The following LRRC69 variants were observed in gnomAD, a reference collection of about 807,000 sequenced individuals.
LRRC69 encodes the protein leucine-rich repeat-containing protein 69.
LRRC69 carries 42 observed loss-of-function variants against 37.8 expected under a neutral mutation model. The observed-to-expected ratio is 1.11, with a 90% CI of 0.87 to 1.44. The LOEUF (loss-of-function observed/expected upper bound fraction) is 1.44. Ranked by LOEUF, LRRC69 falls within the 40% of genes most tolerant of loss-of-function variation. The probability of loss-of-function intolerance (pLI) is 0.00; values close to 1 mark genes in which losing one functional copy is unlikely to be tolerated. For missense variants in LRRC69, 357 were observed against 401.9 expected (o/e 0.89, Z 0.96); for synonymous variants, 141 against 143.1 (o/e 0.99, Z 0.11).
chr8:91,172,761 C>A (rs1809155654), intron 5 of LRRC69, among the ~76,000 whole-genome samples: 1 of 152,020 alleles, frequency 6.6e-6, no homozygotes, highest in South Asian at 2.1e-4. Flanking sequence ...GATCAGCCCG[C>A]CTCAGCCTCC....
At position 91,189,624 on chromosome 8, in the gene LRRC69, G is replaced by A. The variant is rs1252728799; in HGVS notation, c.753+1G>A. Reference sequence around the variant, plus strand: ...GCAGGAGAACGTCTGGAGTCTACAGGTGAAGACTTACCTCATTAACTTAAG... The same window carrying A: ...GCAGGAGAACGTCTGGAGTCTACAGATGAAGACTTACCTCATTAACTTAAG... On this transcript the variant is annotated splice_donor_variant, in intron 6 of 7. Transcript: ENST00000448384. LOFTEE classifies it high-confidence loss of function. 2 of 1,530,682 alleles carry A rather than the reference G, an allele frequency of 1.3e-6. No homozygotes were observed. Among genetic ancestry groups the A allele is most frequent in the Admixed American group, 2.0e-5 (1 of 49,192 alleles). The allele number at this position is 1,530,682 out of a possible 1,614,324, so 94.8% of individuals were successfully genotyped here.
chr8:91,178,201 C>T (rs1809268172), intron 5 of LRRC69, among the ~76,000 whole-genome samples: 3 of 152,066 alleles, frequency 2.0e-5, no homozygotes, highest in Admixed American at 6.6e-5. Flanking sequence ...CGGATTTCTG[C>T]GATGGATAAA....
chr8:91,113,937 C>G (rs1293781587), intron 1 of LRRC69, among the ~76,000 whole-genome samples: 1 of 119,092 alleles, frequency 8.4e-6, no homozygotes, highest in African/African-American at 3.2e-5. Context: ...ACCAGGAGTT[C>G]AAGACCAACC....
At chr8:91,147,549 C>T (rs1228813765) in intron 5 of LRRC69, among the ~76,000 whole-genome samples, 1 of 151,588 alleles carries the variant, frequency 6.6e-6, no homozygotes, top group East Asian at 1.9e-4. Flanking sequence ...GGACTGCAGG[C>T]ATGTGCCACT....
chr8:91,158,051 A>G (rs1213871556), intron 5 of LRRC69: 1 of 1,363,984 alleles, frequency 7.3e-7, no homozygotes, highest in East Asian at 2.3e-5. Context: ...CTTTAAAAAC[A>G]TGACCACAAG....
At chr8:91,137,094 G>C (rs1396923141) in intron 5 of LRRC69, among the ~76,000 whole-genome samples, 2 of 151,970 alleles carry the variant, frequency 1.3e-5, no homozygotes, top group Non-Finnish European at 2.9e-5. Flanking sequence ...GAATCATATG[G>C]TAATTCTATG....
chr8:91,203,072 G>A (rs1809737568), intron 7 of LRRC69, among the ~76,000 whole-genome samples: 2 of 152,182 alleles, frequency 1.3e-5, no homozygotes. Flanking sequence ...GTTGGGGAGA[G>A]ATAGAAGTTC....
rs751223632 is a variant in LRRC69, at chr8:91,161,872, A to G, written c.651+26133A>G. Among the ~76,000 whole-genome samples, 40 of 150,750 alleles carry G rather than the reference A, an allele frequency of 2.7e-4. 3 individuals are homozygous for G. Among genetic ancestry groups the G allele is most frequent in the Non-Finnish European group, 3.0e-5 (2 of 67,506 alleles). ...AGATTGTTTATTTAAAATCTTTCTAATTTTTGTTGTAGGTGTTCATTGCTA... is the reference window on the plus strand; with the variant it reads ...AGATTGTTTATTTAAAATCTTTCTAGTTTTTGTTGTAGGTGTTCATTGCTA... On this transcript the variant is annotated intron_variant, in intron 5 of 7. Coordinates refer to ENST00000448384, the Ensembl canonical transcript of LRRC69.
At chr8:91,209,564 C>G (rs1809868171) in intron 7 of LRRC69, 1 of 152,208 alleles carries the variant, frequency 6.6e-6, no homozygotes, top group Non-Finnish European at 1.5e-5. Context: ...ATAGAATATT[C>G]TTTGGACGTG....
rs1808563180 is a variant in LRRC69, at chr8:91,143,361, A to G, written c.651+7622A>G. On this transcript the variant is annotated intron_variant, in intron 5 of 7. Coordinates refer to ENST00000448384, the Ensembl canonical transcript of LRRC69. ...ATACAAATAAATGTGACAACTTATG[A>G]GAAAGTGCTTTGCTAAGAGTAGACA... 2.0e-5 allele frequency among the ~76,000 whole-genome samples: 3 copies of G among 152,114 alleles called. No homozygotes were observed. The South Asian group carries it at 6.2e-4, about 31-fold the overall frequency.
intron 5 of LRRC69, among the ~76,000 whole-genome samples, chr8:91,181,077 T>C (rs1401321962): frequency 6.6e-6 from 1 of 152,198 alleles, no homozygotes; most frequent in African/African-American, 2.4e-5. Context: ...TTGTATAGTA[T>C]CTGAGTATAA....
At chr8:91,164,002 T>C (rs189136552) in intron 5 of LRRC69, among the ~76,000 whole-genome samples, 1 of 151,486 alleles carries the variant, frequency 6.6e-6, no homozygotes, top group African/African-American at 2.4e-5. Flanking sequence ...TATATAAAAT[T>C]TCAGGGAATT....
intron 5 of LRRC69, among the ~76,000 whole-genome samples, chr8:91,170,251 G>T (rs1809103838): frequency 8.2e-6 from 1 of 121,382 alleles, no homozygotes; most frequent in Non-Finnish European, 1.7e-5. Context: ...TTGTGGTTTT[G>T]ATTTGCATTT....
intron 7 of LRRC69, among the ~76,000 whole-genome samples, chr8:91,214,499 C>G (rs558729966): frequency 2.0e-5 from 3 of 152,182 alleles, no homozygotes; most frequent in South Asian, 2.1e-4. Context: ...AATGAAAGAG[C>G]CTGGGAATCA....
At chr8:91,134,624 T>C (rs1813873951) in intron 4 of LRRC69, among the ~76,000 whole-genome samples, 1 of 151,902 alleles carries the variant, frequency 6.6e-6, no homozygotes, top group Non-Finnish European at 1.5e-5. Flanking sequence ...AAAATAAAGC[T>C]TTACCAGCAT....
intron 5 of LRRC69, among the ~76,000 whole-genome samples, chr8:91,179,075 A>G (rs1015159701): frequency 1.2e-4 from 19 of 152,250 alleles, no homozygotes; most frequent in Admixed American, 9.2e-4. Context: ...TAAATGAGAC[A>G]TGGGATTGAA....
intron 4 of LRRC69, among the ~76,000 whole-genome samples, chr8:91,134,199 C>T (rs1174937944): frequency 6.6e-6 from 1 of 151,130 alleles, no homozygotes; most frequent in African/African-American, 2.4e-5. Flanking sequence ...TGATGGTATT[C>T]ATAATTATGG....
exon 4 of LRRC69, chr8:91,133,262 A>C: frequency 6.6e-7 from 1 of 1,521,962 alleles, no homozygotes; most frequent in East Asian, 2.5e-5. Flanking sequence ...AAGAAGCTTC[A>C]GAAGCTTTTG....
chr8:91,114,443 ATG>A (rs768028794), intron 1 of LRRC69, among the ~76,000 whole-genome samples: 4 of 66,890 alleles, frequency 6.0e-5, no homozygotes, highest in Non-Finnish European at 6.7e-5. Flanking sequence ...ATGTTTGTGT[ATG>A]TGTGTGTGTG....
Sources: allele counts gnomAD v4.1 joint callset (sites outside exome capture counted in the v4.1 genomes callset), GRCh38; gene constraint gnomAD v4.1.1; transcripts MANE v1.5; gene names NCBI Gene and HGNC (gene_info 2026-07-23, HGNC 2026-07-21).